The following NOTCH1 variants were observed in gnomAD, a reference collection of about 807,000 sequenced individuals.
NOTCH1 encodes the protein notch receptor 1.
In NOTCH1, 37 loss-of-function variants were observed where a neutral mutation model predicts 254.8. That is an observed-to-expected ratio of 0.15 (90% CI 0.11 to 0.19). The LOEUF is 0.19. NOTCH1 is among the 10% of genes least tolerant of loss of function. The pLI is 1.00. For synonymous variants in NOTCH1, 1,731 were observed against 1,618.1 expected (o/e 1.07, Z -1.68); for missense variants, 2,972 against 3,708.6 (o/e 0.80, Z 5.16).
At chr9:136,518,061 C>T (rs781242416) in intron 7 of NOTCH1, 76 bp downstream of exon 7, 2 of 1,551,102 alleles carry the variant, frequency 1.3e-6, no homozygotes, top group Non-Finnish European at 1.7e-6. Flanking sequence ...CCCCCTGAAG[C>T]CAGAATCGAC....
chr9:136,505,935 C>CG (rs1438620555), intron 24 of NOTCH1, 54 bp from the exon 25 acceptor site: 1 of 1,476,500 alleles, frequency 6.8e-7, no homozygotes, highest in Admixed American at 2.1e-5. Flanking sequence ...CCCGCCCCCC[C>CG]GCCACCTCAC....
chr9:136,502,959 C>T, intron 27 of NOTCH1: 2 of 708,174 alleles, frequency 2.8e-6, no homozygotes, highest in Non-Finnish European at 5.1e-6. Context: ...CACCCACTTT[C>T]CCGTGGCTGG....
At chr9:136,501,591 C>A (rs1052072104) in intron 30 of NOTCH1, among the ~76,000 whole-genome samples, 157 bp downstream of exon 30, 9 of 152,176 alleles carry the variant, frequency 5.9e-5, no homozygotes, top group African/African-American at 2.2e-4. Flanking sequence ...CCAGGACCCC[C>A]CCACGTCTAC....
At chr9:136,519,673 G>C (rs1436812334) in intron 4 of NOTCH1, 108 bp from the exon 5 acceptor site, 1 of 1,561,344 alleles carries the variant, frequency 6.4e-7, no homozygotes, top group Admixed American at 1.7e-5. Flanking sequence ...CCACGGCCCT[G>C]CCCTGGGGCC....
chr9:136,524,639 CTTTTT>C (rs869128901), intron 2 of NOTCH1, among the ~76,000 whole-genome samples: 1 of 54,414 alleles, frequency 1.8e-5, no homozygotes, highest in Non-Finnish European at 3.2e-5. Flanking sequence ...TTTTTCTTTT[CTTTTT>C]TTTTTTTTTT....
chr9:136,510,592 G>GC lies in NOTCH1; in HGVS notation c.2740+60dup. 1.9e-6 allele frequency: 3 copies of GC among 1,561,006 alleles called. No individual in the cohort carries two copies. The South Asian group carries it at 3.5e-5, about 18-fold the overall frequency. Reference sequence around the variant, plus strand: ...GGCCAGCACCATGCGCACCAACCCTGCCCGGGGGAACTGAGGCCTGAGAGC... The same window carrying GC: ...GGCCAGCACCATGCGCACCAACCCTGCCCCGGGGGAACTGAGGCCTGAGAGC... On this transcript the variant is annotated intron_variant, in intron 17 of 33. Transcript: ENST00000651671.
intron 15 of NOTCH1, among the ~76,000 whole-genome samples, chr9:136,511,661 C>T (rs888150314): frequency 6.6e-6 from 1 of 152,218 alleles, no homozygotes; most frequent in African/African-American, 2.4e-5. Context: ...CAAGCCCCCT[C>T]ATCTCTGGGT....
intron 5 of NOTCH1, 68 bp from the exon 6 acceptor site, chr9:136,518,892 C>T (rs1843321890): frequency 2.1e-6 from 3 of 1,449,010 alleles, no homozygotes; most frequent in Non-Finnish European, 2.9e-6. Flanking sequence ...CCCTAAGACG[C>T]AGGGTGGCAA....
At chr9:136,517,068 G>A (rs967068659) in intron 9 of NOTCH1, among the ~76,000 whole-genome samples, 1 of 151,276 alleles carries the variant, frequency 6.6e-6, no homozygotes. Flanking sequence ...GACGGCCCAG[G>A]AGCAGGGGAC....
intron 2 of NOTCH1, among the ~76,000 whole-genome samples, chr9:136,528,969 A>C (rs543379515): frequency 6.6e-6 from 1 of 152,016 alleles, no homozygotes; most frequent in Non-Finnish European, 1.5e-5. Context: ...CACCAGCAGG[A>C]CCTGCCCCCA....
intron 2 of NOTCH1, among the ~76,000 whole-genome samples, chr9:136,533,296 C>CTG (rs1190602575): frequency 2.3e-4 from 34 of 148,636 alleles, no homozygotes; most frequent in Admixed American, 3.3e-4. Flanking sequence ...CGCGCACCAG[C>CTG]CAGTGCCCAG....
rs752264096 is a variant in NOTCH1, at chr9:136,506,755, C to T, written c.3862G>A (p.Val1288Ile). Residue 1288 changes from valine to isoleucine, a missense_variant, in exon 23 of 34, where the codon GTC becomes ATC. By Grantham distance (29) the Val-to-Ile change is conservative (BLOSUM62 3). Coordinates refer to ENST00000651671, the MANE Select transcript of NOTCH1 (RefSeq NM_017617.5). The surrounding 1 kb of genome is among the most constrained non-coding windows in gnomAD (Gnocchi z 4.5). ...ARGTQNCVQR[V>I]NDFHCECRAG... ...CGGCACTCGCAGTGGAAGTCATTGACGCGCTGCACGCAGTTCTGGGTGCCA... is the reference window on the plus strand; with the variant it reads ...CGGCACTCGCAGTGGAAGTCATTGATGCGCTGCACGCAGTTCTGGGTGCCA... 26 of 1,604,532 alleles carry T rather than the reference C, an allele frequency of 1.6e-5. No homozygotes were observed. The highest frequency in any genetic ancestry group is 1.1e-4 in the South Asian group (10 of 89,716).
chr9:136,527,813 G>A (rs1481515652), intron 2 of NOTCH1, among the ~76,000 whole-genome samples: 6 of 152,284 alleles, frequency 3.9e-5, no homozygotes, highest in Admixed American at 1.3e-4. Flanking sequence ...GCAGGTGAGC[G>A]GCGGGCGGGG....
At position 136,518,701 on chromosome 9, in the gene NOTCH1, T is replaced by C; in HGVS notation, c.989A>G (p.Glu330Gly). Residue 330 changes from glutamate to glycine, a missense_variant, in exon 6 of 34, where the codon GAG (glutamate) becomes GGG (glycine). This residue lies in a region of NOTCH1 where 374 missense variants were observed against 496.3 expected (regional missense o/e 0.75). Transcript: ENST00000651671. The stretch of plus-strand genomic sequence containing the variant: ...GTCATCAATGTTCTCGCTGCAGTCC[T>C]CACCAGTCCAGCCGTTGACACACAC... ...NCVCVNGWTG[E>G]DCSENIDDCA... The C allele has an allele frequency of 6.2e-7, 1 of 1,612,826 alleles. No homozygotes were observed. The highest frequency in any genetic ancestry group is 8.5e-7 in the Non-Finnish European group (1 of 1,179,990).
intron 15 of NOTCH1, among the ~76,000 whole-genome samples, chr9:136,511,674 C>T (rs1046606033): frequency 4.6e-5 from 7 of 152,214 alleles, no homozygotes; most frequent in South Asian, 2.1e-4. Context: ...CTCTGGGTGA[C>T]GAGGAAAGGC....
intron 31 of NOTCH1, 31 bp downstream of exon 31, chr9:136,500,521 G>A (rs1842978606): frequency 1.9e-6 from 3 of 1,606,480 alleles, no homozygotes; most frequent in Non-Finnish European, 1.7e-6. Context: ...CCTGAGGAGG[G>A]CAGGTGGGCA....
chr9:136,522,273 G>T (rs1021636750), intron 4 of NOTCH1, among the ~76,000 whole-genome samples: 2 of 152,152 alleles, frequency 1.3e-5, no homozygotes, highest in African/African-American at 4.8e-5. Flanking sequence ...CACCACGCGC[G>T]GCCGAGACTG....
rs767929506 is a variant in NOTCH1, at chr9:136,496,093, C to T, written c.7646G>A (p.Arg2549His). 1.0e-5 allele frequency: 16 copies of T among 1,606,242 alleles called. No homozygotes were observed. The highest frequency in any genetic ancestry group is 1.6e-4 in the Middle Eastern group (1 of 6,076). Residue 2549 changes from arginine (R) to histidine (H), a missense_variant, in exon 34 of 34, where the codon CGC becomes CAC. By Grantham distance (29) the Arg-to-His change is conservative (BLOSUM62 0). This residue lies in a region of NOTCH1 where 85 missense variants were observed against 126.1 expected (regional missense o/e 0.67). Transcript: ENST00000651671. Reference sequence around the variant, plus strand: ...CGTTTACTTGAAGGCCTCCGGAATGCGGGCGATCTGGGACTGCATGCTGGT... The same window carrying T: ...CGTTTACTTGAAGGCCTCCGGAATGTGGGCGATCTGGGACTGCATGCTGGT... ...PPTSMQSQIARIPEAFK is the reference protein window; with the variant it reads ...PPTSMQSQIAHIPEAFK
chr9:136,528,670 C>A (rs1589075931), intron 2 of NOTCH1, among the ~76,000 whole-genome samples: 2 of 151,768 alleles, frequency 1.3e-5, no homozygotes, highest in Admixed American at 1.3e-4. Context: ...GAGGAGCTGC[C>A]CGGCTGAAAT....
Sources: gnomAD v4.1 joint callset for allele counts (sites outside exome capture counted in the v4.1 genomes callset) on GRCh38, gnomAD v4.1.1 for gene constraint, gnomAD v4.1.1 regional missense constraint, Gnocchi (gnomAD v3.1) non-coding constraint, MANE v1.5 for transcripts, NCBI Gene and HGNC (gene_info 2026-07-23, HGNC 2026-07-21) for gene names.